NTSR1: variants seen among roughly 807,000 people sequenced by gnomAD.
NTSR1 encodes neurotensin receptor 1, also known as neurotensin receptor type 1.
A neutral mutation model predicts 31.2 loss-of-function variants in NTSR1; 29 were observed. That is an observed-to-expected ratio of 0.93 (90% CI 0.69 to 1.27). The LOEUF is 1.27. NTSR1 is among the 50% of genes most tolerant of loss of function. The pLI, the probability that NTSR1 is intolerant of heterozygous loss-of-function variation, is 0.00. For missense variants in NTSR1, 697 were observed against 595.4 expected, an observed-to-expected ratio of 1.17 and a Z score of -1.78; for synonymous variants, 282 against 269.9, an observed-to-expected ratio of 1.04 and a Z score of -0.44.
chr20:62,747,741 C>T lies in NTSR1; in HGVS notation c.715-6944C>T, dbSNP rs574057188. 1.7e-3 allele frequency among the ~76,000 whole-genome samples: 251 copies of T among 151,232 alleles called. 1 individual carries two copies. Among genetic ancestry groups the T allele is most frequent in the African/African-American group, 6.0e-3 (243 of 40,762 alleles). ...GACATGAACTTATGTATAGAAAACC[C>T]TAAAGACTCCACAAAAACAAAAACA... On this transcript the variant is annotated intron_variant, in intron 1 of 3. Transcript: ENST00000370501.
intron 1 of NTSR1, among the ~76,000 whole-genome samples, chr20:62,752,799 G>A (rs879836916): frequency 7.2e-5 from 11 of 152,170 alleles, no homozygotes; most frequent in African/African-American, 2.2e-4. Context: ...CCCAGCAGCC[G>A]GAGTGGGAAG....
At chr20:62,749,369 C>CA (rs565961791) in intron 1 of NTSR1, among the ~76,000 whole-genome samples, 3,713 of 150,060 alleles carry the variant, frequency 0.025, 151 homozygotes, top group African/African-American at 0.083. Context: ...TCACACCATG[C>CA]AAAAAAAAAT....
intron 1 of NTSR1, among the ~76,000 whole-genome samples, chr20:62,726,041 A>G (rs1988900786): frequency 1.3e-5 from 2 of 152,204 alleles, no homozygotes; most frequent in South Asian, 4.1e-4. Flanking sequence ...TGTCGGGGGC[A>G]GCATTTGGGG....
chr20:62,761,692 G>A lies in NTSR1; in HGVS notation c.*1425G>A, dbSNP rs527790576. ...CACCGGCCATGTCGACCCAGGACCC[G>A]GACACCTGGTCTTGGGCTGTGTTCA... On this transcript the variant is annotated 3_prime_UTR_variant, in exon 4 of 4. Coordinates refer to ENST00000370501, the MANE Select transcript of NTSR1 (RefSeq NM_002531.3). 142 of 152,308 alleles carry A rather than the reference G, an allele frequency of 9.3e-4. 1 individual carries two copies. Among genetic ancestry groups the A allele is most frequent in the Non-Finnish European group, 1.1e-3 (77 of 68,040 alleles). 9.4% of individuals were successfully genotyped at this position (152,308 alleles called of 1,614,324 possible). A position where few individuals can be genotyped will look rare whatever the true frequency, so the allele number is the denominator to read the frequency against.
rs1555810518 is a variant in NTSR1, at chr20:62,719,651, C to CA, written c.714+9730_714+9731insA. Among the ~76,000 whole-genome samples, 6 of 151,978 alleles carry CA rather than the reference C, an allele frequency of 3.9e-5. No homozygotes were observed. In the South Asian group the frequency reaches 6.2e-4, roughly 16 times the overall value. On this transcript the variant is annotated intron_variant, in intron 1 of 3. Transcript: ENST00000370501. ...TTTGTCTCTGTGAATTTGACCACTC[C>CA]GGGGGCCAAATATAAGTGGAAAACC...
chr20:62,746,384 T>C (rs2147144782), intron 1 of NTSR1, among the ~76,000 whole-genome samples: 1 of 152,276 alleles, frequency 6.6e-6, no homozygotes, highest in Non-Finnish European at 1.5e-5. Flanking sequence ...TGTCTGTAGC[T>C]CTTATTGGCC....
intron 1 of NTSR1, among the ~76,000 whole-genome samples, chr20:62,751,933 C>T (rs953185989): frequency 6.6e-6 from 1 of 152,098 alleles, no homozygotes; most frequent in Non-Finnish European, 1.5e-5. Context: ...ACTGTCGATG[C>T]CAAATTCTCC....
At position 62,711,871 on chromosome 20, in the gene NTSR1, G is replaced by A. The variant is rs1174729954; in HGVS notation, c.714+1950G>A. ...GATTTGGCCAAGTCACGCTACGGCCGGCCACAGGCACTCGTCCAATCGCAG... is the reference window on the plus strand; with the variant it reads ...GATTTGGCCAAGTCACGCTACGGCCAGCCACAGGCACTCGTCCAATCGCAG... On this transcript the variant is annotated intron_variant, in intron 1 of 3. Coordinates refer to ENST00000370501, the MANE Select transcript of NTSR1 (RefSeq NM_002531.3). This position sits in a 1 kb window ranked among gnomAD's most constrained non-coding sequence, Gnocchi z 6.4. Among the ~76,000 whole-genome samples, 1 of 152,186 alleles carries A rather than the reference G, an allele frequency of 6.6e-6. No individual in the cohort carries two copies. Among genetic ancestry groups the A allele is most frequent in the Non-Finnish European group, 1.5e-5 (1 of 68,036 alleles).
At chr20:62,729,115 T>TA (rs1332399791) in intron 1 of NTSR1, among the ~76,000 whole-genome samples, 1 of 152,198 alleles carries the variant, frequency 6.6e-6, no homozygotes, top group Non-Finnish European at 1.5e-5. Flanking sequence ...CAGACACACT[T>TA]ACTCACGGCA....
At chr20:62,746,783 C>CA (rs1989307898) in intron 1 of NTSR1, among the ~76,000 whole-genome samples, 1 of 152,100 alleles carries the variant, frequency 6.6e-6, no homozygotes, top group Non-Finnish European at 1.5e-5. Context: ...AAAAACCTCC[C>CA]AAAAAAGAAA....
Position 62,709,279 on chromosome 20 carries a change from C to T in NTSR1, c.72C>T (p.Ala24=), listed in dbSNP as rs1043351430. 2 of 1,577,422 alleles carry T rather than the reference C, an allele frequency of 1.3e-6. No homozygotes were observed. The highest frequency in any genetic ancestry group is 2.3e-5 in the East Asian group (1 of 42,732). The change falls in exon 1 of 4, where the codon GCC becomes GCT. Residue 24 remains alanine (A), a synonymous_variant. Transcript: ENST00000370501. ...PAADPFQRAQ[A]GLEEALLAPG... is the part of the protein sequence containing the mutation. ...CCGACCCCTTCCAGCGGGCGCAGGC[C>T]GGACTGGAGGAGGCGCTGCTGGCCC...
chr20:62,710,943 G>T (rs1988598644), intron 1 of NTSR1, among the ~76,000 whole-genome samples: 1 of 152,170 alleles, frequency 6.6e-6, no homozygotes, highest in South Asian at 2.1e-4. Context: ...AGCTAGAGGG[G>T]CCAGGGTGGC....
intron 2 of NTSR1, chr20:62,756,563 T>C (rs1989517099): frequency 6.6e-6 from 1 of 152,264 alleles, no homozygotes; most frequent in African/African-American, 2.4e-5. Context: ...GCCAAGCACA[T>C]TACCCTAAGA....
At chr20:62,723,582 G>A (rs2427414) in intron 1 of NTSR1, among the ~76,000 whole-genome samples, 110,017 of 152,058 alleles carry the variant, frequency 0.72, 41,464 homozygotes, top group East Asian at 0.95. Context: ...CATCTGGGCT[G>A]ACCCCATGGT....
chr20:62,737,498 C>A (rs1989118111), intron 1 of NTSR1, among the ~76,000 whole-genome samples: 1 of 152,158 alleles, frequency 6.6e-6, no homozygotes, highest in African/African-American at 2.4e-5. Flanking sequence ...CTCTGTGGGG[C>A]CACTTGTCCT....
intron 1 of NTSR1, among the ~76,000 whole-genome samples, chr20:62,735,912 C>T (rs2427432): frequency 0.81 from 122,673 of 152,224 alleles, 51,534 homozygotes; most frequent in South Asian, 0.94. Flanking sequence ...CAATTCCTCA[C>T]GGGTTCAGCA....
In NTSR1 at chr20:62,736,117, T is replaced by C. The variant is rs111766233; in HGVS notation, c.715-18568T>C. ...CCAGTGGACAGTTTGTTCTGAAACT[T>C]GTCCCTTCGGGGCAGGGCCTGGGTT... On this transcript the variant is annotated intron_variant, in intron 1 of 3. Coordinates refer to ENST00000370501, the MANE Select transcript of NTSR1 (RefSeq NM_002531.3). Among the ~76,000 whole-genome samples, 295 of 152,370 alleles carry C rather than the reference T, an allele frequency of 1.9e-3. 4 individuals carry two copies. Among genetic ancestry groups the C allele is most frequent in the African/African-American group, 6.8e-3 (283 of 41,598 alleles).
In NTSR1 at chr20:62,709,677, T is replaced by C. The variant is rs1988562719; in HGVS notation, c.470T>C (p.Leu157Pro). 6.2e-7 allele frequency: 1 copy of C among 1,612,574 alleles called. No homozygotes were observed. The highest frequency in any genetic ancestry group is 8.5e-7 in the Non-Finnish European group (1 of 1,179,874). The part of the protein sequence containing the change: ...LRDACTYATA[L>P]NVASLSVERY... ...GACGCCTGCACCTACGCCACGGCCC[T>C]CAACGTGGCCAGCCTGAGTGTGGAG... Residue 157 changes from leucine to proline, a missense_variant, in exon 1 of 4, where the codon CTC becomes CCC. Transcript: ENST00000370501.
chr20:62,751,618 CAAAGGTT>C (rs1486372936), intron 1 of NTSR1, among the ~76,000 whole-genome samples: 1 of 152,266 alleles, frequency 6.6e-6, no homozygotes, highest in Admixed American at 6.5e-5. Context: ...TGGTGTCTAG[CAAAGGTT>C]TGGGGCTGGC....
Sources: allele counts gnomAD v4.1 joint callset (sites outside exome capture counted in the v4.1 genomes callset), GRCh38; gene constraint gnomAD v4.1.1; non-coding constraint Gnocchi (gnomAD v3.1); transcripts MANE v1.5; gene names NCBI Gene and HGNC (gene_info 2026-07-23, HGNC 2026-07-21).